RSPO1: variants seen among roughly 807,000 people sequenced by gnomAD.
RSPO1 encodes the protein R-spondin-1.
RSPO1 carries 18 observed loss-of-function variants against 26.0 expected under a neutral mutation model. The ratio of observed to expected loss-of-function variants is 0.69; its 90% CI spans 0.48 to 1.03. The LOEUF (loss-of-function observed/expected upper bound fraction) is 1.03, where lower values mean the gene tolerates loss of function less well. Ranked by LOEUF, RSPO1 falls within the 50% of genes least tolerant of loss-of-function variation. The pLI is 0.00. For synonymous variants in RSPO1, 133 were observed against 137.4 expected (o/e 0.97, Z 0.22); for missense variants, 309 against 352.3 (o/e 0.88, Z 0.98).
intron 5 of RSPO1, 105 bp downstream of exon 5, chr1:37,614,079 C>T (rs1644069925): frequency 4.5e-5 from 63 of 1,400,556 alleles, no homozygotes; most frequent in Non-Finnish European, 5.9e-5. Flanking sequence ...AGGGTAAGCT[C>T]TCCCTGCACA....
intron 4 of RSPO1, among the ~76,000 whole-genome samples, chr1:37,616,213 T>C (rs1389579152): frequency 6.6e-6 from 1 of 152,044 alleles, no homozygotes; most frequent in African/African-American, 2.4e-5. Flanking sequence ...TGGGAGAGGT[T>C]GGCACTCAGG....
chr1:37,617,643 C>G (rs2148164795), intron 3 of RSPO1, among the ~76,000 whole-genome samples: 1 of 109,204 alleles, frequency 9.2e-6, no homozygotes, highest in East Asian at 2.9e-4. Flanking sequence ...GCCCGGATGA[C>G]AGAGCAAGAC....
chr1:37,612,666 T>A lies in RSPO1; in HGVS notation c.*89A>T. On this transcript the variant is annotated 3_prime_UTR_variant, in exon 7 of 7. Coordinates refer to ENST00000356545, the MANE Select transcript of RSPO1 (RefSeq NM_001242908.2). ...TGGATTGGAGTGTGTGTGTATGCTT[T>A]GCCCCCGACGTTCCAGTTCAGGAAA... 1 of 1,397,942 alleles carries A rather than the reference T, an allele frequency of 7.2e-7. No individual in the cohort carries two copies. Among genetic ancestry groups the A allele is most frequent in the Admixed American group, 1.7e-5 (1 of 59,538 alleles). The allele number at this position is 1,397,942 out of a possible 1,614,324, so 86.6% of individuals were successfully genotyped here. A position where few individuals can be genotyped will look rare whatever the true frequency, so the allele number is the denominator to read the frequency against.
intron 6 of RSPO1, 65 bp from the exon 7 acceptor site, chr1:37,612,986 C>G: frequency 3.2e-6 from 5 of 1,577,322 alleles, no homozygotes; most frequent in Non-Finnish European, 3.5e-6. Flanking sequence ...GGCATGGCCA[C>G]AGGCCCTAGG....
intron 3 of RSPO1, among the ~76,000 whole-genome samples, chr1:37,626,443 A>G (rs1339937448): frequency 6.6e-6 from 1 of 151,476 alleles, no homozygotes; most frequent in African/African-American, 2.4e-5. Context: ...CCTCCTCCCA[A>G]CTCCCCGGGG....
intron 2 of RSPO1, among the ~76,000 whole-genome samples, chr1:37,631,469 G>C (rs545804929): frequency 1.8e-4 from 28 of 152,278 alleles, no homozygotes; most frequent in Non-Finnish European, 3.2e-4. Flanking sequence ...ACAGATTATA[G>C]ATGTCCAGTT....
chr1:37,623,660 T>C (rs972441626), intron 3 of RSPO1, among the ~76,000 whole-genome samples: 14 of 151,610 alleles, frequency 9.2e-5, no homozygotes, highest in Non-Finnish European at 2.1e-4. Context: ...GCAGGATCCC[T>C]TGAGCCTAGG....
rs775713716 is a variant in RSPO1 at position 37,613,817 on chromosome 1, C to T, written c.512G>A (p.Gly171Asp). The part of the protein sequence containing the change: ...KKQQLCGFRR[G>D]SEERTRRVLH... ...CACCCTGCGTGTCCGCTCCTCGGAG[C>T]CCCTCCGGAAACCACAGAGCTGCTG... Residue 171 changes from glycine to aspartate, a missense_variant, in exon 6 of 7, where the codon GGC becomes GAC. By Grantham distance (94) the Gly-to-Asp change is moderately conservative (BLOSUM62 -1). Coordinates refer to ENST00000356545, the MANE Select transcript of RSPO1 (RefSeq NM_001242908.2). This position sits in a 1 kb window ranked among gnomAD's most constrained non-coding sequence, Gnocchi z 4.5. The T allele has an allele frequency of 1.1e-5, 17 of 1,614,020 alleles. No homozygotes were observed. The highest frequency in any genetic ancestry group is 1.4e-5 in the Non-Finnish European group (17 of 1,179,998).
intron 3 of RSPO1, among the ~76,000 whole-genome samples, chr1:37,620,977 G>T (rs1195042081): frequency 1.3e-5 from 2 of 152,214 alleles, no homozygotes; most frequent in Non-Finnish European, 2.9e-5. Flanking sequence ...CTCAAGCGAT[G>T]CTGCCATACT....
chr1:37,629,953 T>G lies in RSPO1; in HGVS notation c.-288-4A>C. ...AGGGACTACTCCAAAAACCAACCTG[T>G]CAGGGAAGGAGAAAGAAGGGTTAAT... On this transcript the variant is annotated splice_polypyrimidine_tract_variant and splice_region_variant and intron_variant, in intron 2 of 6. Coordinates refer to ENST00000356545, the MANE Select transcript of RSPO1 (RefSeq NM_001242908.2). 1 of 1,255,934 alleles carries G rather than the reference T, an allele frequency of 8.0e-7. No homozygotes were observed. Among genetic ancestry groups the G allele is most frequent in the South Asian group, 1.3e-5 (1 of 78,256 alleles). 77.8% of individuals were successfully genotyped at this position (1,255,934 alleles called of 1,614,324 possible).
At chr1:37,633,647 G>T (rs1226629399) in intron 1 of RSPO1, among the ~76,000 whole-genome samples, 1 of 149,064 alleles carries the variant, frequency 6.7e-6, no homozygotes, top group African/African-American at 2.4e-5. Flanking sequence ...GGCAGGCGGG[G>T]GCAGAAGAAT....
intron 3 of RSPO1, among the ~76,000 whole-genome samples, chr1:37,627,700 A>C (rs1432843544): frequency 1.3e-5 from 2 of 151,122 alleles, no homozygotes; most frequent in African/African-American, 2.4e-5. Context: ...AAAACTATAT[A>C]TATATACCTA....
intron 3 of RSPO1, among the ~76,000 whole-genome samples, chr1:37,628,529 C>G (rs1227091405): frequency 3.3e-5 from 5 of 152,216 alleles, no homozygotes; most frequent in Admixed American, 6.5e-5. Context: ...AGGAAGATCT[C>G]CTGCCTGTGG....
Position 37,614,342 on chromosome 1 carries a change from A to G in RSPO1, c.287-9T>C, listed in dbSNP as rs554416394. 118 of 1,613,408 alleles carry G rather than the reference A, an allele frequency of 7.3e-5. 2 individuals carry two copies. The South Asian group carries it at 1.3e-3, about 17-fold the overall frequency. ...GTGCTCGATCTTGCATTCTGAGGAG[A>G]GGACAGATTGGGGGCTTCTGGCCCA... On this transcript the variant is annotated splice_polypyrimidine_tract_variant and intron_variant, in intron 4 of 6. Coordinates refer to ENST00000356545, the MANE Select transcript of RSPO1 (RefSeq NM_001242908.2).
In RSPO1 at chr1:37,612,468, C is replaced by T. The variant is rs558237894; in HGVS notation, c.*287G>A. 47 of 508,568 alleles carry T rather than the reference C, an allele frequency of 9.2e-5. No homozygotes were observed. The highest frequency in any genetic ancestry group is 6.7e-4 in the African/African-American group (35 of 52,048). 31.5% of individuals were successfully genotyped at this position (508,568 alleles called of 1,614,324 possible). On this transcript the variant is annotated 3_prime_UTR_variant, in exon 7 of 7. Transcript: ENST00000356545. ...GAAACCAAGTGTGTACTGCTGGGCCCGAGGGATGGAAGTGTCTTCTGGTGG... is the reference window on the plus strand; with the variant it reads ...GAAACCAAGTGTGTACTGCTGGGCCTGAGGGATGGAAGTGTCTTCTGGTGG...
intron 4 of RSPO1, among the ~76,000 whole-genome samples, chr1:37,616,212 T>C (rs1287592240): frequency 6.6e-6 from 1 of 151,396 alleles, no homozygotes; most frequent in Admixed American, 6.6e-5. Flanking sequence ...GTGGGAGAGG[T>C]TGGCACTCAG....
chr1:37,616,452 C>T (rs1380011884), intron 4 of RSPO1, 32 bp downstream of exon 4: 2 of 1,608,428 alleles, frequency 1.2e-6, no homozygotes, highest in African/African-American at 1.3e-5. Context: ...CTTCTAATGC[C>T]CCCTGCCCCC....
chr1:37,616,629 G>A lies in RSPO1; in HGVS notation c.141C>T (p.Cys47=), dbSNP rs750018168. ...SQACAKGCEL[C]SEVNGCLKCS... ...ACTTGAGGCAGCCGTTGACTTCAGA[G>A]CAGAGCTCACAGCCTTTGGCACAGG... Residue 47 remains cysteine, a synonymous_variant, in exon 4 of 7, where the codon TGC becomes TGT. Coordinates refer to ENST00000356545, the MANE Select transcript of RSPO1 (RefSeq NM_001242908.2). The A allele has an allele frequency of 6.2e-7, 1 of 1,614,056 alleles. No homozygotes were observed. The highest frequency in any genetic ancestry group is 1.3e-5 in the African/African-American group (1 of 74,954).
At chr1:37,629,233 C>T (rs1442378929) in intron 3 of RSPO1, among the ~76,000 whole-genome samples, 1 of 152,214 alleles carries the variant, frequency 6.6e-6, no homozygotes, top group Non-Finnish European at 1.5e-5. Context: ...ATGGATACCA[C>T]ACAAAGCTGG....
Sources: gnomAD v4.1 joint callset for allele counts (sites outside exome capture counted in the v4.1 genomes callset) on GRCh38, gnomAD v4.1.1 for gene constraint, Gnocchi (gnomAD v3.1) non-coding constraint, MANE v1.5 for transcripts, NCBI Gene and HGNC (gene_info 2026-07-23, HGNC 2026-07-21) for gene names.